The following USP6NL variants were observed in gnomAD, a reference collection of about 807,000 sequenced individuals.
USP6NL encodes the protein USP6 N-terminal-like protein.
In USP6NL, 26 loss-of-function variants were observed where a neutral mutation model predicts 61.9. The observed-to-expected ratio is 0.42, with a 90% confidence interval of 0.31 to 0.58. USP6NL has a LOEUF of 0.58. Among genes scored for constraint, USP6NL ranks in the 20% least tolerant of loss-of-function variants. The probability of loss-of-function intolerance (pLI) is 0.16; values close to 1 mark genes in which losing one functional copy is unlikely to be tolerated. For missense variants in USP6NL, 1,114 were observed against 1,034.3 expected, an observed-to-expected ratio of 1.08 and a Z score of -1.06; for synonymous variants, 432 against 390.1, an observed-to-expected ratio of 1.11 and a Z score of -1.27.
chr10:11,601,993 G>C (rs538263575), intron 1 of USP6NL, among the ~76,000 whole-genome samples: 6 of 148,142 alleles, frequency 4.1e-5, no homozygotes, highest in Non-Finnish European at 7.5e-5. Flanking sequence ...AAAAAAGAAA[G>C]AAAAAAAAAG....
rs57177555 is a variant in USP6NL, at chr10:11,460,624, C to CATATATATATATAT, written c.*1803_*1816dup. The CATATATATATATAT allele has an allele frequency of 1.6e-3, 198 of 126,610 alleles. No homozygotes were observed. Among genetic ancestry groups the CATATATATATATAT allele is most frequent in the Non-Finnish European group, 2.3e-3 (132 of 58,292 alleles). The allele number at this position is 126,610 out of a possible 1,614,324, so 7.8% of individuals were successfully genotyped here. ...CTTGTGTGTATATATATATTTTTTG[C>CATATATATATATAT]ATATATATATATATATATATATATA... On this transcript the variant is annotated 3_prime_UTR_variant, in exon 15 of 15. Transcript: ENST00000609104.
At chr10:11,560,779 CT>C (rs1836903951) in intron 2 of USP6NL, among the ~76,000 whole-genome samples, 1 of 149,758 alleles carries the variant, frequency 6.7e-6, no homozygotes, top group Admixed American at 6.7e-5. Context: ...AATCAAGTCT[CT>C]CAAAATCTTT....
chr10:11,583,326 T>C (rs993494021), intron 2 of USP6NL, among the ~76,000 whole-genome samples: 1 of 151,718 alleles, frequency 6.6e-6, no homozygotes, highest in African/African-American at 2.4e-5. Context: ...TAGCTGGGAC[T>C]ACAAGAGCCC....
rs540713591 is a variant in USP6NL at position 11,589,054 on chromosome 10, G to C, written c.4+8577C>G. ...CCCCCATGTATGGAAACCCGGATAA[G>C]ATAATGGCAATGGAGAAGCGCCTTT... On this transcript the variant is annotated intron_variant, in intron 2 of 14. Coordinates refer to ENST00000609104, the MANE Select transcript of USP6NL (RefSeq NM_014688.5). The surrounding 1 kb of genome is among the most constrained non-coding windows in gnomAD (Gnocchi z 4.7). Among the ~76,000 whole-genome samples the C allele has an allele frequency of 9.2e-5, 14 of 152,292 alleles. No individual in the cohort carries two copies. Among genetic ancestry groups the C allele is most frequent in the African/African-American group, 3.1e-4 (13 of 41,560 alleles).
At chr10:11,604,582 T>C (rs1838650061) in intron 1 of USP6NL, among the ~76,000 whole-genome samples, 2 of 152,158 alleles carry the variant, frequency 1.3e-5, no homozygotes, top group South Asian at 2.1e-4. Context: ...AATAAATGTT[T>C]CCCAAGCAAG....
At chr10:11,530,577 TAA>T in intron 2 of USP6NL, among the ~76,000 whole-genome samples, 1 of 152,352 alleles carries the variant, frequency 6.6e-6, no homozygotes. Context: ...TCTCAATCTT[TAA>T]ACTCCCTTAG....
At chr10:11,512,176 T>C (rs1303986173) in intron 5 of USP6NL, among the ~76,000 whole-genome samples, 3 of 152,198 alleles carry the variant, frequency 2.0e-5, no homozygotes. Flanking sequence ...TGGAATATAA[T>C]AGTGTATTAG....
At chr10:11,606,386 G>GGT (rs1838707702) in intron 1 of USP6NL, among the ~76,000 whole-genome samples, 1 of 152,142 alleles carries the variant, frequency 6.6e-6, no homozygotes, top group Admixed American at 6.5e-5. Flanking sequence ...TATTCCACAT[G>GGT]GAAGGTCAGG....
chr10:11,464,630 G>A (rs1832368011), intron 14 of USP6NL, among the ~76,000 whole-genome samples: 1 of 152,198 alleles, frequency 6.6e-6, no homozygotes, highest in Non-Finnish European at 1.5e-5. Context: ...GGCAGTATCT[G>A]CACACCTGCT....
intron 10 of USP6NL, among the ~76,000 whole-genome samples, chr10:11,488,727 T>C (rs1463086547): frequency 6.6e-6 from 1 of 152,230 alleles, no homozygotes; most frequent in Non-Finnish European, 1.5e-5. Flanking sequence ...ATGGTAAACA[T>C]TTCACTAAAA....
rs1833441087 is a variant in USP6NL at position 11,485,820 on chromosome 10, G to A, written c.756C>T (p.His252=). 7 of 1,549,886 alleles carry A rather than the reference G, an allele frequency of 4.5e-6. No homozygotes were observed. Among genetic ancestry groups the A allele is most frequent in the Non-Finnish European group, 5.2e-6 (6 of 1,146,880 alleles). The change falls in exon 11 of 15, where the codon CAC becomes CAT. Residue 252 remains histidine, a synonymous_variant. Coordinates refer to ENST00000609104, the MANE Select transcript of USP6NL (RefSeq NM_014688.5). This position sits in a 1 kb window ranked among gnomAD's most constrained non-coding sequence, Gnocchi z 4.8. ...AGTCAGTGGCACATCTACCTACCAA[G>A]TGTTGCTTAAGCTTGGACAGAAATT... ...LNKFLSKLKQ[H]LDSQEIYTSF... is the part of the protein sequence containing the mutation.
At chr10:11,523,225 T>G (rs1165547380) in intron 4 of USP6NL, among the ~76,000 whole-genome samples, 3 of 152,246 alleles carry the variant, frequency 2.0e-5, no homozygotes, top group Non-Finnish European at 4.4e-5. Flanking sequence ...GAATCACTTA[T>G]TTCATGGCTG....
At position 11,598,560 on chromosome 10, in the gene USP6NL, C is replaced by G. The variant is rs1250829347; in HGVS notation, c.-83-843G>C. Among the ~76,000 whole-genome samples, 2 of 152,044 alleles carry G rather than the reference C, an allele frequency of 1.3e-5. No homozygotes were observed. Among genetic ancestry groups the G allele is most frequent in the Non-Finnish European group, 2.9e-5 (2 of 68,010 alleles). On this transcript the variant is annotated intron_variant, in intron 1 of 14. Transcript: ENST00000609104. This position sits in a 1 kb window ranked among gnomAD's most constrained non-coding sequence, Gnocchi z 4.7. ...TAACCATGGATGCACAAATGCCTACCTAAATCTATCATATAAAATTCCACA... is the reference window on the plus strand; with the variant it reads ...TAACCATGGATGCACAAATGCCTACGTAAATCTATCATATAAAATTCCACA...
intron 2 of USP6NL, chr10:11,565,301 T>G (rs1039362567): frequency 2.6e-5 from 4 of 152,096 alleles, no homozygotes; most frequent in Admixed American, 2.0e-4. Flanking sequence ...ACATGAGAGA[T>G]AACTTAAAAA....
intron 14 of USP6NL, among the ~76,000 whole-genome samples, chr10:11,464,321 G>A (rs977428543): frequency 2.6e-5 from 4 of 152,174 alleles, no homozygotes; most frequent in Non-Finnish European, 4.4e-5. Context: ...TTCGATTGTG[G>A]TACTACTGAA....
chr10:11,529,702 T>C (rs1445525571), intron 2 of USP6NL, among the ~76,000 whole-genome samples: 4 of 152,228 alleles, frequency 2.6e-5, no homozygotes, highest in South Asian at 2.1e-4. Context: ...CTCAATGATA[T>C]ACATATTCAC....
Position 11,463,432 on chromosome 10 carries a change from G to C in USP6NL, c.1496C>G (p.Thr499Ser), listed in dbSNP as rs758480334. The C allele has an allele frequency of 3.6e-5, 58 of 1,613,958 alleles. No individual in the cohort carries two copies. The highest frequency in any genetic ancestry group is 5.9e-6 in the Non-Finnish European group (7 of 1,179,920). The change falls in exon 15 of 15, where the codon ACT becomes AGT. Residue 499 changes from threonine to serine, a missense_variant. By Grantham distance (58) the Thr-to-Ser change is moderately conservative (BLOSUM62 1). Coordinates refer to ENST00000609104, the MANE Select transcript of USP6NL (RefSeq NM_014688.5). The surrounding 1 kb of genome is among the most constrained non-coding windows in gnomAD (Gnocchi z 6.3). ...KPSDVSATER[T>S]AKYTMEGKGR... Reference sequence around the variant, plus strand: ...TTTGCCTTCCATGGTGTATTTGGCAGTTCTCTCTGTAGCTGAGACGTCTGA... The same window carrying C: ...TTTGCCTTCCATGGTGTATTTGGCACTTCTCTCTGTAGCTGAGACGTCTGA...
intron 1 of USP6NL, among the ~76,000 whole-genome samples, chr10:11,603,368 T>C (rs1264648820): frequency 2.0e-5 from 3 of 152,238 alleles, no homozygotes; most frequent in African/African-American, 4.8e-5. Flanking sequence ...AAATGACCTA[T>C]AATTAGTTTA....
intron 2 of USP6NL, among the ~76,000 whole-genome samples, chr10:11,566,458 A>G (rs899772639): frequency 6.6e-6 from 1 of 152,206 alleles, no homozygotes; most frequent in Admixed American, 6.5e-5. Context: ...GCCTCCTTCA[A>G]TCCACATTCA....
Sources: gnomAD v4.1 joint callset for allele counts (sites outside exome capture counted in the v4.1 genomes callset) on GRCh38, gnomAD v4.1.1 for gene constraint, Gnocchi (gnomAD v3.1) non-coding constraint, MANE v1.5 for transcripts, NCBI Gene and HGNC (gene_info 2026-07-23, HGNC 2026-07-21) for gene names.